Variants in NKD1 observed in about 807,000 individuals in gnomAD.
NKD1 encodes the protein NKD inhibitor of Wnt signaling pathway 1.
In NKD1, 21 loss-of-function variants were observed where a neutral mutation model predicts 56.0. That is an observed-to-expected ratio of 0.38 (90% CI 0.27 to 0.54). NKD1 has a LOEUF of 0.54. NKD1 is among the 20% of genes least tolerant of loss of function. NKD1 has a pLI of 0.82. For missense variants in NKD1, 578 were observed against 642.7 expected, an observed-to-expected ratio of 0.90 and a Z score of 1.09; for synonymous variants, 263 against 265.7, an observed-to-expected ratio of 0.99 and a Z score of 0.10.
At chr16:50,608,961 C>CT (rs1733960908) in intron 4 of NKD1, among the ~76,000 whole-genome samples, 2 of 152,344 alleles carry the variant, frequency 1.3e-5, no homozygotes, top group South Asian at 4.1e-4. Context: ...GTAGCTAGGA[C>CT]TACAGTTGCA....
chr16:50,590,373 C>T (rs887965810), intron 3 of NKD1, among the ~76,000 whole-genome samples: 2 of 152,240 alleles, frequency 1.3e-5, no homozygotes, highest in Admixed American at 1.3e-4. Context: ...TTCACACCCT[C>T]CTATATGTTA....
rs1372812570 is a variant in NKD1, at chr16:50,640,848, AAAAAAC to A, written c.*7070_*7075del. On this transcript the variant is annotated 3_prime_UTR_variant, in exon 10 of 10. Transcript: ENST00000268459. Reference sequence around the variant, plus strand: ...AAACCAAAAGAAGTTAAAAAGAAAAAAAAAACAACCTCATTATGTTGTCTTTGTTTT... The same window carrying A: ...AAACCAAAAGAAGTTAAAAAGAAAAAAACCTCATTATGTTGTCTTTGTTTT... The A allele has an allele frequency of 8.3e-5, 12 of 145,114 alleles. No homozygotes were observed. The highest frequency in any genetic ancestry group is 1.3e-4 in the African/African-American group (5 of 39,764). 9.0% of individuals were successfully genotyped at this position (145,114 alleles called of 1,614,324 possible).
At chr16:50,552,316 A>G (rs1960406407) in intron 3 of NKD1, 1 of 152,278 alleles carries the variant, frequency 6.6e-6, no homozygotes, top group Non-Finnish European at 1.5e-5. Flanking sequence ...TTTCTGGAGC[A>G]CTTTCTAGGA....
chr16:50,590,433 T>C (rs543162694), intron 3 of NKD1, among the ~76,000 whole-genome samples: 22 of 152,380 alleles, frequency 1.4e-4, no homozygotes, highest in African/African-American at 5.3e-4. Context: ...TTCTTTTTCT[T>C]GAGATGGTCA....
At position 50,648,100 on chromosome 16, in the gene NKD1, C is replaced by G. The variant is rs2093042513; in HGVS notation, c.*14319C>G. On this transcript the variant is annotated 3_prime_UTR_variant, in exon 10 of 10. Coordinates refer to ENST00000268459, the MANE Select transcript of NKD1 (RefSeq NM_033119.5). ...ACCCCGATCTCTCAGTGTTATGGCC[C>G]CCACCACCAGGAAGGCCTCCTTTTC... 1 of 152,350 alleles carries G rather than the reference C, an allele frequency of 6.6e-6. No individual in the cohort carries two copies. Among genetic ancestry groups the G allele is most frequent in the South Asian group, 2.1e-4 (1 of 4,822 alleles). 9.4% of individuals were successfully genotyped at this position (152,350 alleles called of 1,614,324 possible). A position where few individuals can be genotyped will look rare whatever the true frequency, so the allele number is the denominator to read the frequency against.
chr16:50,562,706 G>A (rs938268204), intron 3 of NKD1, among the ~76,000 whole-genome samples: 1 of 152,144 alleles, frequency 6.6e-6, no homozygotes, highest in Middle Eastern at 3.2e-3. Context: ...CAGCTGGGCC[G>A]ACTGGACCCT....
chr16:50,597,091 G>A (rs1414957599), intron 3 of NKD1, among the ~76,000 whole-genome samples: 2 of 152,144 alleles, frequency 1.3e-5, no homozygotes, highest in Non-Finnish European at 2.9e-5. Flanking sequence ...GGGTTGGGGT[G>A]GCGACGAGGG....
At chr16:50,606,824 G>A (rs1188371432) in intron 3 of NKD1, 1 of 456,594 alleles carries the variant, frequency 2.2e-6, no homozygotes, top group East Asian at 6.9e-5. Flanking sequence ...CTGCCTACCA[G>A]CCTTTCAGGG....
In NKD1 at chr16:50,632,444, G is replaced by T; in HGVS notation, c.823+36G>T. ...CAAGCACCCTGCAATGGGCGATGAG[G>T]GCAGGGCGTGGCTGGACGGGCCAGG... On this transcript the variant is annotated intron_variant, in intron 9 of 9. Transcript: ENST00000268459. The surrounding 1 kb of genome is among the most constrained non-coding windows in gnomAD (Gnocchi z 4.1). 1 of 1,612,236 alleles carries T rather than the reference G, an allele frequency of 6.2e-7. No homozygotes were observed. The highest frequency in any genetic ancestry group is 1.1e-5 in the South Asian group (1 of 90,932).
rs377163204 is a variant in NKD1 at position 50,629,250 on chromosome 16, A to G, written c.463-936A>G. Among the ~76,000 whole-genome samples the G allele has an allele frequency of 1.9e-3, 288 of 152,226 alleles. 2 individuals are homozygous for G. Among genetic ancestry groups the G allele is most frequent in the Middle Eastern group, 6.8e-3 (2 of 294 alleles). ...AGTGCTGGGATTCCAGGTGTGAGCC[A>G]TATCCCTAGCTCTCCTCTTCTTCTA... On this transcript the variant is annotated intron_variant, in intron 6 of 9. Transcript: ENST00000268459.
Position 50,548,547 on chromosome 16 carries a change from C to G in NKD1, c.-7C>G, listed in dbSNP as rs1960288211. The G allele has an allele frequency of 6.8e-7, 1 of 1,467,274 alleles. No homozygotes were observed. The highest frequency in any genetic ancestry group is 1.5e-5 in the African/African-American group (1 of 67,740). The allele number at this position is 1,467,274 out of a possible 1,614,324, so 90.9% of individuals were successfully genotyped here. A position where few individuals can be genotyped will look rare whatever the true frequency, so the allele number is the denominator to read the frequency against. ...TTAGGGACGCTCCCGGCCGCCGCAG[C>G]CCCAGCATGGGGAAACTTCACTCCA... On this transcript the variant is annotated 5_prime_UTR_variant, in exon 1 of 10. Coordinates refer to ENST00000268459, the MANE Select transcript of NKD1 (RefSeq NM_033119.5).
chr16:50,557,544 T>G (rs1475206291), intron 3 of NKD1: 1 of 152,260 alleles, frequency 6.6e-6, no homozygotes, highest in African/African-American at 2.4e-5. Context: ...TTTCTGAGCT[T>G]TGTAAAATCA....
chr16:50,594,178 G>T (rs1368602673), intron 3 of NKD1, among the ~76,000 whole-genome samples: 1 of 151,426 alleles, frequency 6.6e-6, no homozygotes, highest in Admixed American at 6.6e-5. Context: ...GGGGTGGGGT[G>T]GGAAGAAAAT....
intron 4 of NKD1, among the ~76,000 whole-genome samples, chr16:50,620,787 G>A (rs1962068550): frequency 6.6e-6 from 1 of 152,188 alleles, no homozygotes; most frequent in Non-Finnish European, 1.5e-5. Flanking sequence ...GCATCCTCAG[G>A]AAAATAGTGT....
intron 3 of NKD1, among the ~76,000 whole-genome samples, chr16:50,550,268 C>G (rs1166368571): frequency 6.6e-6 from 1 of 152,158 alleles, no homozygotes; most frequent in African/African-American, 2.4e-5. Flanking sequence ...AGCTCCGGAA[C>G]TCTGCACGGG....
chr16:50,585,941 G>A (rs1214985301), intron 3 of NKD1, among the ~76,000 whole-genome samples: 1 of 152,204 alleles, frequency 6.6e-6, no homozygotes, highest in Non-Finnish European at 1.5e-5. Flanking sequence ...CCTGTCCACT[G>A]TTGGTGTTCC....
intron 3 of NKD1, among the ~76,000 whole-genome samples, chr16:50,578,073 T>C (rs1472415905): frequency 1.3e-5 from 2 of 152,194 alleles, no homozygotes; most frequent in African/African-American, 2.4e-5. Flanking sequence ...CATGGACCAG[T>C]CCAATACAGG....
At chr16:50,572,783 G>A (rs774442661) in intron 3 of NKD1, 7 of 630,730 alleles carry the variant, frequency 1.1e-5, no homozygotes, top group Non-Finnish European at 1.4e-5. Flanking sequence ...CCCTGAGTCC[G>A]ACAGAGACAG....
In NKD1 at chr16:50,647,329, C is replaced by T. The variant is rs543035408; in HGVS notation, c.*13548C>T. The stretch of plus-strand genomic sequence containing the variant: ...TGTAACATGTCATGGTAGTGGCCAT[C>T]TTGCTACAGCCTGAGGACCACAGAG... On this transcript the variant is annotated 3_prime_UTR_variant, in exon 10 of 10. Coordinates refer to ENST00000268459, the MANE Select transcript of NKD1 (RefSeq NM_033119.5). The T allele has an allele frequency of 3.9e-5, 6 of 152,362 alleles. No homozygotes were observed. The highest frequency in any genetic ancestry group is 1.2e-4 in the African/African-American group (5 of 41,584). 9.4% of individuals were successfully genotyped at this position (152,362 alleles called of 1,614,324 possible).
Sources: allele counts gnomAD v4.1 joint callset (sites outside exome capture counted in the v4.1 genomes callset), GRCh38; gene constraint gnomAD v4.1.1; non-coding constraint Gnocchi (gnomAD v3.1); transcripts MANE v1.5; gene names NCBI Gene and HGNC (gene_info 2026-07-23, HGNC 2026-07-21).